Variants in STRIP1 observed in about 807,000 individuals in gnomAD.
STRIP1 encodes the protein striatin interacting protein 1.
A neutral mutation model predicts 106.2 loss-of-function variants in STRIP1; 63 were observed. The ratio of observed to expected loss-of-function variants is 0.59; its 90% CI spans 0.48 to 0.73. The LOEUF is 0.73. STRIP1 is among the 30% of genes least tolerant of loss of function. STRIP1 has a pLI of 0.00. For missense variants in STRIP1, 857 were observed against 1,074.8 expected (o/e 0.80, Z 2.83); for synonymous variants, 390 against 413.0 (o/e 0.94, Z 0.67).
chr1:110,048,174 C>G (rs1653120891), intron 15 of STRIP1: 2 of 349,750 alleles, frequency 5.7e-6, no homozygotes, highest in South Asian at 3.2e-5. Flanking sequence ...CAAAGCCCCA[C>G]TCTCCAGCTG....
intron 18 of STRIP1, 26 bp from the exon 19 acceptor site, chr1:110,050,930 T>C (rs1431014461): frequency 7.4e-7 from 1 of 1,356,268 alleles, no homozygotes; most frequent in Admixed American, 1.7e-5. Context: ...CCATGAGGGC[T>C]GATTGTTCCT....
intron 9 of STRIP1, 93 bp downstream of exon 9, chr1:110,043,363 T>C (rs1652866813): frequency 2.3e-6 from 3 of 1,300,692 alleles, no homozygotes; most frequent in East Asian, 4.6e-5. Flanking sequence ...CTGCTGGAAA[T>C]GATCTCTGAT....
Position 110,039,426 on chromosome 1 carries a change from G to A in STRIP1, c.492G>A (p.Glu164=). 1 of 1,614,060 alleles carries A rather than the reference G, an allele frequency of 6.2e-7. No homozygotes were observed. The highest frequency in any genetic ancestry group is 8.5e-7 in the Non-Finnish European group (1 of 1,179,986). ...TTGGGGAGTGCAGCTCGGAGGCAGA[G>A]GTGCAGTCCTGGATGCGCTACAACA... The part of the protein sequence containing the change: ...GTFGECSSEA[E]VQSWMRYNIF... Residue 164 remains glutamate (E), a synonymous_variant, in exon 5 of 21, where the codon GAG becomes GAA. Transcript: ENST00000369795.
chr1:110,039,201 A>T lies in STRIP1; in HGVS notation c.355A>T (p.Thr119Ser). 1.9e-6 allele frequency: 3 copies of T among 1,614,144 alleles called. No individual in the cohort carries two copies. The highest frequency in any genetic ancestry group is 2.2e-5 in the East Asian group (1 of 44,886). The change falls in exon 4 of 21, where the codon ACC (threonine) becomes TCC (serine). Residue 119 changes from threonine (T) to serine (S), a missense_variant. Transcript: ENST00000369795. Reference sequence around the variant, plus strand: ...AGACAAGAAGTGGACTGAGCTGGATACCAACCAGCACCGGACCCATGCCAT... The same window carrying T: ...AGACAAGAAGTGGACTGAGCTGGATTCCAACCAGCACCGGACCCATGCCAT... ...VTDKKWTELD[T>S]NQHRTHAMRL...
chr1:110,035,388 C>CA (rs1652402882), intron 1 of STRIP1, among the ~76,000 whole-genome samples: 1 of 152,184 alleles, frequency 6.6e-6, no homozygotes, highest in South Asian at 2.1e-4. Flanking sequence ...TGAGCCAGAT[C>CA]AGGCCATGGG....
At chr1:110,036,800 C>T (rs1570912064) in intron 1 of STRIP1, among the ~76,000 whole-genome samples, 1 of 152,020 alleles carries the variant, frequency 6.6e-6, no homozygotes, top group African/African-American at 2.4e-5. Flanking sequence ...ACGTGGAGTT[C>T]TTGTTTGTGG....
intron 12 of STRIP1, among the ~76,000 whole-genome samples, chr1:110,045,730 T>C (rs1432609506): frequency 3.9e-5 from 6 of 152,004 alleles, no homozygotes; most frequent in African/African-American, 7.2e-5. Context: ...TCCCAGGCAG[T>C]GTGGGGAGGC....
chr1:110,050,353 C>G lies in STRIP1; in HGVS notation c.1900C>G (p.Leu634Val), dbSNP rs377193110. ...YITAKNSISV[L>V]DYPHCVVHEL... ...CTCTCCCCTCTGCAGCATTTCTGTC[C>G]TGGATTACCCTCACTGCGTGGTGCA... Residue 634 changes from leucine to valine, a missense_variant, in exon 18 of 21, where the codon CTG (leucine) becomes GTG (valine). Physicochemically the swap from Leu to Val is conservative, Grantham distance 32. Coordinates refer to ENST00000369795, the MANE Select transcript of STRIP1 (RefSeq NM_033088.4). 27 of 1,614,020 alleles carry G rather than the reference C, an allele frequency of 1.7e-5. 1 individual carries two copies. The highest frequency in any genetic ancestry group is 2.0e-5 in the Non-Finnish European group (24 of 1,180,024).
At chr1:110,049,945 T>TG in intron 17 of STRIP1, 1 of 319,638 alleles carries the variant, frequency 3.1e-6, no homozygotes, top group Non-Finnish European at 5.8e-6. Flanking sequence ...GCTGTTGGCC[T>TG]GGTGCCAGCT....
At chr1:110,043,292 G>A (rs776546320) in intron 9 of STRIP1, 22 bp downstream of exon 9, 1 of 1,605,902 alleles carries the variant, frequency 6.2e-7, no homozygotes. Flanking sequence ...AGAGGTCCCT[G>A]TGACTCCTGA....
chr1:110,038,286 C>T (rs578166236), intron 2 of STRIP1: 24 of 196,026 alleles, frequency 1.2e-4, no homozygotes, highest in Admixed American at 1.1e-4. Context: ...TGAGGGATGC[C>T]TGCATCTGTG....
At chr1:110,046,778 G>C in intron 13 of STRIP1, 27 bp downstream of exon 13, 1 of 1,585,242 alleles carries the variant, frequency 6.3e-7, no homozygotes, top group Non-Finnish European at 8.7e-7. Context: ...CAGTCCGGGC[G>C]CGGTGGCTCA....
At chr1:110,043,992 T>A in intron 10 of STRIP1, 136 bp downstream of exon 10, 1 of 810,482 alleles carries the variant, frequency 1.2e-6, no homozygotes, top group Non-Finnish European at 2.1e-6. Context: ...TGAGGCTCTC[T>A]TAAAGCACCC....
chr1:110,047,057 A>G (rs1184185731), intron 13 of STRIP1, among the ~76,000 whole-genome samples: 2 of 152,030 alleles, frequency 1.3e-5, no homozygotes, highest in African/African-American at 4.8e-5. Context: ...CAAAAAAAAA[A>G]GTTAGAGGTC....
In STRIP1 at chr1:110,051,752, C is replaced by T. The variant is rs190105639; in HGVS notation, c.2131C>T (p.Leu711Phe). The stretch of plus-strand genomic sequence containing the variant: ...AAAGGTGAAACAAGCCATGATGCAG[C>T]TCTATGTGCTGAAGCTGCTCAAGGT... Reference protein sequence around the residue: ...ALKVKQAMMQLYVLKLLKVQT... With the variant: ...ALKVKQAMMQFYVLKLLKVQT... The change falls in exon 20 of 21, where the codon CTC becomes TTC. Residue 711 changes from leucine to phenylalanine, a missense_variant. Around this residue, in one of 2 missense-constraint regions of STRIP1, gnomAD observed 750 missense variants for 989.8 expected, o/e 0.76. Transcript: ENST00000369795. 17 of 1,613,798 alleles carry T rather than the reference C, an allele frequency of 1.1e-5. No homozygotes were observed. The East Asian group carries it at 3.8e-4, about 36-fold the overall frequency.
chr1:110,047,436 T>G, intron 13 of STRIP1, 106 bp from the exon 14 acceptor site: 1 of 804,868 alleles, frequency 1.2e-6, no homozygotes, highest in Non-Finnish European at 2.1e-6. Context: ...ATTAACATCA[T>G]TATGTACATC....
At position 110,041,752 on chromosome 1, in the gene STRIP1, A is replaced by G. The variant is rs146210829; in HGVS notation, c.776A>G (p.Asn259Ser). The stretch of plus-strand genomic sequence containing the variant: ...CCTCCAGGCTCCCCGCTGTACAACA[A>G]TGAGCCATTTGCCATCATGCTGTTT... ...RAELGSPLYN[N>S]EPFAIMLFGM... The change falls in exon 8 of 21, where the codon AAT (asparagine) becomes AGT (serine). Residue 259 changes from asparagine (N) to serine (S), a missense_variant. Around this residue, in one of 2 missense-constraint regions of STRIP1, gnomAD observed 750 missense variants for 989.8 expected, o/e 0.76. Transcript: ENST00000369795. 319 of 1,614,152 alleles carry G rather than the reference A, an allele frequency of 2.0e-4. No homozygotes were observed. The highest frequency in any genetic ancestry group is 1.7e-3 in the East Asian group (77 of 44,870).
chr1:110,033,421 A>AT (rs1316559261), upstream of STRIP1, among the ~76,000 whole-genome samples: 1 of 152,138 alleles, frequency 6.6e-6, no homozygotes, highest in Admixed American at 6.5e-5. Flanking sequence ...GTCTTAATCC[A>AT]TTTTTTGTTG....
rs1653453543 is a variant in STRIP1, at chr1:110,054,610, AT to A, written c.*700del. The A allele has an allele frequency of 6.6e-6, 1 of 152,600 alleles. No homozygotes were observed. Among genetic ancestry groups the A allele is most frequent in the Non-Finnish European group, 1.5e-5 (1 of 68,038 alleles). The allele number at this position is 152,600 out of a possible 1,614,324, so 9.5% of individuals were successfully genotyped here. On this transcript the variant is annotated 3_prime_UTR_variant, in exon 21 of 21. Transcript: ENST00000369795. ...GTTGGGGTTTTTAATGTGATTGTGT[AT>A]TCTGTTTACATTAAAAAGAAGCAAA...
Sources: allele counts gnomAD v4.1 joint callset (sites outside exome capture counted in the v4.1 genomes callset), GRCh38; gene constraint gnomAD v4.1.1; regional missense constraint gnomAD v4.1.1; transcripts MANE v1.5; gene names NCBI Gene and HGNC (gene_info 2026-07-23, HGNC 2026-07-21).